EPHA5: variants seen among roughly 807,000 people sequenced by gnomAD.
EPHA5 encodes EPH receptor A5.
Under a neutral mutation model 105.0 loss-of-function variants are expected in EPHA5, and 60 were observed. That is an observed-to-expected ratio of 0.57 (90% CI 0.46 to 0.71). The LOEUF (loss-of-function observed/expected upper bound fraction) is 0.71. EPHA5 is among the 30% of genes least tolerant of loss of function. EPHA5 has a pLI of 0.00. For synonymous variants in EPHA5, 513 were observed against 449.1 expected (o/e 1.14, Z -1.80); for missense variants, 1,218 against 1,274.7 (o/e 0.96, Z 0.68).
At chr4:65,381,373 C>A (rs1719544201) in intron 8 of EPHA5, among the ~76,000 whole-genome samples, 2 of 151,634 alleles carry the variant, frequency 1.3e-5, no homozygotes, top group Admixed American at 6.6e-5. Context: ...GTGTAAGAGA[C>A]ATTGTGCTGA....
At chr4:65,388,662 G>GGTGT (rs1720384718) in intron 8 of EPHA5, among the ~76,000 whole-genome samples, 1 of 135,302 alleles carries the variant, frequency 7.4e-6, no homozygotes. Context: ...TTTTGATGGG[G>GGTGT]TTGTTTTTTT....
intron 8 of EPHA5, among the ~76,000 whole-genome samples, chr4:65,376,406 C>A (rs1005008801): frequency 6.6e-6 from 1 of 151,928 alleles, no homozygotes; most frequent in African/African-American, 2.4e-5. Flanking sequence ...TAAGAGTATG[C>A]CATTTGGGCA....
chr4:65,372,050 A>T (rs1718528732), intron 8 of EPHA5, among the ~76,000 whole-genome samples: 2 of 151,954 alleles, frequency 1.3e-5, no homozygotes, highest in East Asian at 3.9e-4. Flanking sequence ...AAAAATAAAC[A>T]CTCTTAATTT....
intron 5 of EPHA5, among the ~76,000 whole-genome samples, chr4:65,447,190 A>G (rs1210739276): frequency 6.6e-6 from 1 of 151,596 alleles, no homozygotes; most frequent in Non-Finnish European, 1.5e-5. Context: ...ATTGAGAACA[A>G]TGGATTGCGG....
At chr4:65,388,065 G>T (rs183175840) in intron 8 of EPHA5, among the ~76,000 whole-genome samples, 3,001 of 148,726 alleles carry the variant, frequency 0.02, 62 homozygotes, top group Non-Finnish European at 0.03. Context: ...AGAGCATGAG[G>T]TGTTTGGTTT....
At chr4:65,434,687 T>C (rs1204281658) in intron 5 of EPHA5, among the ~76,000 whole-genome samples, 3 of 152,158 alleles carry the variant, frequency 2.0e-5, no homozygotes, top group Non-Finnish European at 4.4e-5. Flanking sequence ...CCCTTTTACA[T>C]AAATTAATGC....
intron 5 of EPHA5, among the ~76,000 whole-genome samples, chr4:65,452,343 A>G (rs765422512): frequency 4.6e-5 from 7 of 152,150 alleles, no homozygotes; most frequent in Non-Finnish European, 1.0e-4. Context: ...ATGTATAACA[A>G]ATGTGAAATA....
chr4:65,348,489 C>T (rs1722433476), intron 13 of EPHA5, among the ~76,000 whole-genome samples: 1 of 151,382 alleles, frequency 6.6e-6, no homozygotes. Context: ...GGAAAGCAGG[C>T]AGTCAAGCAA....
chr4:65,402,379 A>C (rs1245481748), intron 8 of EPHA5, among the ~76,000 whole-genome samples: 1 of 152,178 alleles, frequency 6.6e-6, no homozygotes, highest in African/African-American at 2.4e-5. Context: ...TCCTTCGGTT[A>C]CCAAATAGTA....
rs143542038 is a variant in EPHA5 at position 65,576,382 on chromosome 4, C to A, written c.910+25259G>T. ...TATCGTTCACCAGAAGAAGTACAGC[C>A]TTTTTACAGTCATTTTTCTTAACTT... On this transcript the variant is annotated intron_variant, in intron 3 of 16. Transcript: ENST00000613740. Among the ~76,000 whole-genome samples the A allele has an allele frequency of 2.3e-3, 348 of 152,248 alleles. 1 individual carries two copies. Among genetic ancestry groups the A allele is most frequent in the African/African-American group, 8.0e-3 (331 of 41,552 alleles).
intron 3 of EPHA5, among the ~76,000 whole-genome samples, chr4:65,542,052 A>G (rs767291674): frequency 1.1e-4 from 16 of 151,970 alleles, no homozygotes; most frequent in Admixed American, 2.0e-4. Flanking sequence ...AAGAGAACAA[A>G]GAGATAATGT....
At position 65,323,408 on chromosome 4, in the gene EPHA5, A is replaced by G; in HGVS notation, c.*706T>C. The G allele has an allele frequency of 4.3e-6, 1 of 230,100 alleles. No homozygotes were observed. Among genetic ancestry groups the G allele is most frequent in the African/African-American group, 2.2e-5 (1 of 45,246 alleles). The allele number at this position is 230,100 out of a possible 1,614,324, so 14.3% of individuals were successfully genotyped here. On this transcript the variant is annotated 3_prime_UTR_variant, in exon 17 of 17. Transcript: ENST00000613740. ...AAACACACACACAATTCCATCTTAA[A>G]TCAGTTCCTGGGTATATTGCAAATT... is the stretch of plus-strand genomic sequence containing the variant.
chr4:65,519,769 C>G (rs1734490871), intron 3 of EPHA5, among the ~76,000 whole-genome samples: 1 of 152,068 alleles, frequency 6.6e-6, no homozygotes, highest in African/African-American at 2.4e-5. Flanking sequence ...AGTGAATGTC[C>G]ATTCACCATT....
intron 3 of EPHA5, among the ~76,000 whole-genome samples, chr4:65,554,981 CAAAAAAAAAAAAAAAAAAA>C (rs71205383): frequency 4.3e-5 from 4 of 92,620 alleles, no homozygotes; most frequent in African/African-American, 1.6e-4. Context: ...TATACAACAG[CAAAAAAAAAAAAAAAAAAA>C]AAAAAAAAAA....
intron 1 of EPHA5, among the ~76,000 whole-genome samples, chr4:65,664,909 T>A (rs1749838052): frequency 6.6e-6 from 1 of 151,962 alleles, no homozygotes; most frequent in Non-Finnish European, 1.5e-5. Flanking sequence ...TGATGCTTTA[T>A]AAAAACCATT....
chr4:65,661,690 A>C (rs1384487869), intron 1 of EPHA5, among the ~76,000 whole-genome samples: 1 of 152,110 alleles, frequency 6.6e-6, no homozygotes, highest in Non-Finnish European at 1.5e-5. Flanking sequence ...GTGAAAGCCA[A>C]GTTAGAACTT....
Position 65,323,940 on chromosome 4 carries a change from A to G in EPHA5, c.*174T>C, listed in dbSNP as rs1719835997. On this transcript the variant is annotated 3_prime_UTR_variant, in exon 17 of 17. Transcript: ENST00000613740. Reference sequence around the variant, plus strand: ...TCATGAAAAATGAAGACTAAGGACTAAGAACTGGATACTTCAGTAAAACCA... The same window carrying G: ...TCATGAAAAATGAAGACTAAGGACTGAGAACTGGATACTTCAGTAAAACCA... 2.0e-6 allele frequency: 1 copy of G among 494,384 alleles called. No homozygotes were observed. The allele number at this position is 494,384 out of a possible 1,614,324, so 30.6% of individuals were successfully genotyped here.
At chr4:65,380,851 AAAG>A (rs1355067853) in intron 8 of EPHA5, among the ~76,000 whole-genome samples, 1 of 151,742 alleles carries the variant, frequency 6.6e-6, no homozygotes, top group Non-Finnish European at 1.5e-5. Flanking sequence ...AAACCTATCA[AAAG>A]GCAATAAAAT....
intron 2 of EPHA5, among the ~76,000 whole-genome samples, chr4:65,638,725 G>A (rs544691361): frequency 2.0e-5 from 3 of 152,236 alleles, no homozygotes; most frequent in African/African-American, 7.2e-5. Flanking sequence ...GGCAACAAGA[G>A]TGAAACTCCG....
Sources: gnomAD v4.1 joint callset for allele counts (sites outside exome capture counted in the v4.1 genomes callset) on GRCh38, gnomAD v4.1.1 for gene constraint, MANE v1.5 for transcripts, NCBI Gene and HGNC (gene_info 2026-07-23, HGNC 2026-07-21) for gene names.